The following NEURL1 variants were observed in gnomAD, a reference collection of about 807,000 sequenced individuals.
NEURL1 encodes the protein E3 ubiquitin-protein ligase NEURL1.
A neutral mutation model predicts 41.2 loss-of-function variants in NEURL1; 26 were observed. The observed-to-expected ratio is 0.63, with a 90% CI of 0.46 to 0.87. The LOEUF (loss-of-function observed/expected upper bound fraction) is 0.87, where lower values mean the gene tolerates loss of function less well. Ranked by LOEUF, NEURL1 falls within the 40% of genes least tolerant of loss-of-function variation. NEURL1 has a pLI of 0.00. For synonymous variants in NEURL1, 400 were observed against 402.3 expected, an observed-to-expected ratio of 0.99 and a Z score of 0.07; for missense variants, 761 against 871.1, an observed-to-expected ratio of 0.87 and a Z score of 1.59.
At chr10:103,583,705 CAAA>C (rs1228630032) in intron 3 of NEURL1, among the ~76,000 whole-genome samples, 109 of 19,460 alleles carry the variant, frequency 5.6e-3, no homozygotes, top group East Asian at 0.017. Context: ...GATCCTGTCT[CAAA>C]AAAAAAAAAA....
intron 1 of NEURL1, among the ~76,000 whole-genome samples, chr10:103,567,002 A>G (rs1376589113): frequency 2.1e-5 from 3 of 145,954 alleles, no homozygotes; most frequent in African/African-American, 7.6e-5. Flanking sequence ...TTTTTGTTTG[A>G]GACAGAGTCT....
intron 1 of NEURL1, among the ~76,000 whole-genome samples, chr10:103,504,760 C>A (rs915759010): frequency 2.0e-5 from 3 of 152,188 alleles, no homozygotes; most frequent in African/African-American, 7.2e-5. Context: ...CAGTTCTTCT[C>A]CACTACTTCT....
In NEURL1 at chr10:103,584,547, G is replaced by A. The variant is rs751206037; in HGVS notation, c.661G>A (p.Val221Met). The A allele has an allele frequency of 1.4e-5, 19 of 1,381,730 alleles. No homozygotes were observed. 85.6% of individuals were successfully genotyped at this position (1,381,730 alleles called of 1,614,324 possible). ...TGTCTCCCGCGCAGATAGCGAGCTG[G>A]TGCTCCCGGACTGTCTGCGGCCGCG... Reference protein sequence around the residue: ...RGVQLLDSELVLPDCLRPRSF... With the variant: ...RGVQLLDSELMLPDCLRPRSF... Residue 221 changes from valine to methionine, a missense_variant, in exon 4 of 6, where the codon GTG (valine) becomes ATG (methionine). Val to Met is a conservative substitution (Grantham distance 21, BLOSUM62 1). Coordinates refer to ENST00000369780, the MANE Select transcript of NEURL1 (RefSeq NM_004210.5).
intron 1 of NEURL1, among the ~76,000 whole-genome samples, chr10:103,530,136 CA>C (rs55703604): frequency 6.6e-6 from 1 of 151,590 alleles, no homozygotes; most frequent in Non-Finnish European, 1.5e-5. Flanking sequence ...TTTATTCTCT[CA>C]AAAAAAACCA....
At chr10:103,546,664 A>C (rs1439782290) in intron 1 of NEURL1, among the ~76,000 whole-genome samples, 1 of 152,210 alleles carries the variant, frequency 6.6e-6, no homozygotes, top group Admixed American at 6.5e-5. Flanking sequence ...GGGGGCCCAG[A>C]GCAGATGTTT....
chr10:103,581,225 C>T (rs1344191294), intron 3 of NEURL1, among the ~76,000 whole-genome samples: 1 of 152,182 alleles, frequency 6.6e-6, no homozygotes, highest in African/African-American at 2.4e-5. Context: ...ACCCAAAAGC[C>T]ACCAGCCAAG....
chr10:103,532,742 A>G (rs2034597314), intron 1 of NEURL1, among the ~76,000 whole-genome samples: 2 of 146,944 alleles, frequency 1.4e-5, no homozygotes, highest in Admixed American at 6.8e-5. Context: ...AACTTTCTGT[A>G]TCTTTGACTT....
intron 1 of NEURL1, among the ~76,000 whole-genome samples, chr10:103,523,949 A>G (rs2034409862): frequency 6.6e-6 from 1 of 152,168 alleles, no homozygotes; most frequent in Non-Finnish European, 1.5e-5. Context: ...TCCTTTGGAT[A>G]TATACCTAGT....
intron 1 of NEURL1, among the ~76,000 whole-genome samples, chr10:103,513,158 G>T (rs1445531267): frequency 1.3e-5 from 2 of 152,048 alleles, no homozygotes; most frequent in African/African-American, 4.8e-5. Context: ...GCCCTCCCTG[G>T]CAGCCCCCAG....
In NEURL1 at chr10:103,570,972, G is replaced by A. The variant is rs147011641; in HGVS notation, c.186G>A (p.Pro62=). 66 of 1,613,954 alleles carry A rather than the reference G, an allele frequency of 4.1e-5. No individual in the cohort carries two copies. The highest frequency in any genetic ancestry group is 5.4e-5 in the Non-Finnish European group (64 of 1,179,994). Residue 62 remains proline, a synonymous_variant, in exon 2 of 6, where the codon CCG becomes CCA. Coordinates refer to ENST00000369780, the MANE Select transcript of NEURL1 (RefSeq NM_004210.5). The part of the protein sequence containing the change: ...VLPSGGLPAT[P]LLFHPHTKGS... ...CCAGCGGGGGGCTCCCAGCCACGCC[G>A]CTGCTCTTCCACCCGCACACCAAGG...
chr10:103,528,460 G>A (rs756979416), intron 1 of NEURL1, among the ~76,000 whole-genome samples: 11 of 151,802 alleles, frequency 7.2e-5, no homozygotes, highest in Admixed American at 1.3e-4. Flanking sequence ...GCTTGAACCC[G>A]GGAGGCGGAG....
intron 1 of NEURL1, among the ~76,000 whole-genome samples, chr10:103,497,337 G>A (rs1051544902): frequency 6.6e-6 from 1 of 152,200 alleles, no homozygotes; most frequent in African/African-American, 2.4e-5. Flanking sequence ...TGCTGGGATG[G>A]CGTCTGTACT....
chr10:103,507,641 C>T (rs572591127), intron 1 of NEURL1, among the ~76,000 whole-genome samples: 9 of 152,194 alleles, frequency 5.9e-5, no homozygotes, highest in East Asian at 1.9e-4. Context: ...GTGCTCCTGC[C>T]GTGGGTGTGA....
intron 1 of NEURL1, among the ~76,000 whole-genome samples, chr10:103,495,254 TCAGACCCTA>T (rs1305205799): frequency 2.6e-5 from 4 of 152,188 alleles, no homozygotes; most frequent in Admixed American, 2.6e-4. Context: ...TCCCGGGCCC[TCAGACCCTA>T]CTAAATTCCT....
Position 103,566,982 on chromosome 10 carries a change from CTTT to C in NEURL1, c.86-3878_86-3876del, listed in dbSNP as rs796658971. Among the ~76,000 whole-genome samples the C allele has an allele frequency of 7.0e-6, 1 of 142,428 alleles. No individual in the cohort carries two copies. The allele number at this position is 142,428 out of a possible 152,430, so 93.4% of individuals were successfully genotyped here. ...GAAACTTTGTTTCTTTTCTTTCTTT[CTTT>C]TTTTTTTTTTTGTTTGAGACAGAGT... On this transcript the variant is annotated intron_variant, in intron 1 of 5. Transcript: ENST00000369780. The surrounding 1 kb of genome is among the most constrained non-coding windows in gnomAD (Gnocchi z 4.2).
intron 5 of NEURL1, 82 bp downstream of exon 5, chr10:103,589,742 T>C: frequency 1.3e-6 from 2 of 1,517,950 alleles, no homozygotes; most frequent in Admixed American, 4.0e-5. Flanking sequence ...GGGCTGGGAG[T>C]GGAGAGGAGC....
In NEURL1 at chr10:103,509,353, G is replaced by T. The variant is rs2986056; in HGVS notation, c.85+14881G>T. Among the ~76,000 whole-genome samples the T allele has an allele frequency of 9.2e-3, 1,403 of 152,246 alleles. 29 individuals carry two copies. Among genetic ancestry groups the T allele is most frequent in the African/African-American group, 0.032 (1,309 of 41,540 alleles). ...TCGTCATAGGGGAACAGCACAGAGT[G>T]CACTTACACAAACCTAGATGGTGTA... On this transcript the variant is annotated intron_variant, in intron 1 of 5. Coordinates refer to ENST00000369780, the MANE Select transcript of NEURL1 (RefSeq NM_004210.5).
intron 1 of NEURL1, among the ~76,000 whole-genome samples, chr10:103,502,694 C>T (rs945049542): frequency 3.9e-5 from 6 of 152,206 alleles, no homozygotes; most frequent in Admixed American, 1.3e-4. Flanking sequence ...CAGTGAGGCA[C>T]AGGCATTGGT....
rs971045359 is a variant in NEURL1, at chr10:103,590,606, C to T, written c.*234C>T. ...GGGAGGAGAGGAGGCCGCACTCTCC[C>T]TGTCTCTCCCGTCTCTGCACCCAGC... On this transcript the variant is annotated 3_prime_UTR_variant, in exon 6 of 6. Transcript: ENST00000369780. 4 of 566,958 alleles carry T rather than the reference C, an allele frequency of 7.1e-6. No homozygotes were observed. The African/African-American group carries it at 7.5e-5, about 11-fold the overall frequency. 35.1% of individuals were successfully genotyped at this position (566,958 alleles called of 1,614,324 possible).
Sources: allele counts gnomAD v4.1 joint callset (sites outside exome capture counted in the v4.1 genomes callset), GRCh38; gene constraint gnomAD v4.1.1; non-coding constraint Gnocchi (gnomAD v3.1); transcripts MANE v1.5; gene names NCBI Gene and HGNC (gene_info 2026-07-23, HGNC 2026-07-21).